The following MLIP variants were observed in gnomAD, a reference collection of about 807,000 sequenced individuals.
MLIP encodes the protein muscular LMNA-interacting protein.
A neutral mutation model predicts 84.8 loss-of-function variants in MLIP; 79 were observed. The observed-to-expected ratio is 0.93, with a 90% CI of 0.78 to 1.12. The LOEUF (loss-of-function observed/expected upper bound fraction) is 1.12, where lower values mean the gene tolerates loss of function less well. MLIP is among the 50% of genes most tolerant of loss of function. The pLI, the probability that MLIP is intolerant of heterozygous loss-of-function variation, is 0.00. For synonymous variants in MLIP, 504 were observed against 463.0 expected, an observed-to-expected ratio of 1.09 and a Z score of -1.14; for missense variants, 1,257 against 1,160.6, an observed-to-expected ratio of 1.08 and a Z score of -1.21.
Position 54,230,723 on chromosome 6 carries a change from G to C in MLIP, c.2728G>C (p.Val910Leu). The change falls in exon 12 of 14, where the codon GTC becomes CTC. Residue 910 changes from valine to leucine, a missense_variant. Val to Leu is a conservative substitution (Grantham distance 32, BLOSUM62 1). Coordinates refer to ENST00000502396, the MANE Select transcript of MLIP (RefSeq NM_001281747.2). ...SDLFSEQDVT[V>L]PPKPVSLHPL... Reference sequence around the variant, plus strand: ...TCTTCTTCCCCACCAGGATGTAACAGTCCCTCCCAAGCCTGTCTCGCTCCA... The same window carrying C: ...TCTTCTTCCCCACCAGGATGTAACACTCCCTCCCAAGCCTGTCTCGCTCCA... 6.2e-7 allele frequency: 1 copy of C among 1,613,870 alleles called. No individual in the cohort carries two copies. Among genetic ancestry groups the C allele is most frequent in the Non-Finnish European group, 8.5e-7 (1 of 1,179,932 alleles).
At chr6:54,159,167 C>A (rs549693539) in intron 5 of MLIP, among the ~76,000 whole-genome samples, 1 of 152,042 alleles carries the variant, frequency 6.6e-6, no homozygotes, top group East Asian at 1.9e-4. Context: ...TCTGCCTCAG[C>A]CTCCCAAAGT....
intron 13 of MLIP, among the ~76,000 whole-genome samples, chr6:54,259,492 T>C (rs1380345935): frequency 2.0e-5 from 3 of 151,874 alleles, no homozygotes; most frequent in Non-Finnish European, 4.4e-5. Context: ...GTTCAGATAA[T>C]AAATTGAGAA....
At chr6:54,093,665 T>A (rs1768015228) in intron 1 of MLIP, among the ~76,000 whole-genome samples, 1 of 152,166 alleles carries the variant, frequency 6.6e-6, no homozygotes, top group Admixed American at 6.6e-5. Context: ...CACTTTCGGA[T>A]TGCTCTATTG....
Position 54,220,922 on chromosome 6 carries a change from T to C in MLIP, c.2719-9792T>C, listed in dbSNP as rs112669259. 2.9e-3 allele frequency among the ~76,000 whole-genome samples: 433 copies of C among 150,604 alleles called. 2 individuals carry two copies. Among genetic ancestry groups the C allele is most frequent in the African/African-American group, 9.5e-3 (390 of 41,194 alleles). ...GTAACCTATAACGACAAAGGAGATA[T>C]ACACACACACACACACACGTAGAGG... On this transcript the variant is annotated intron_variant, in intron 11 of 13. Coordinates refer to ENST00000502396, the MANE Select transcript of MLIP (RefSeq NM_001281747.2).
chr6:54,232,346 A>G (rs530883521), intron 12 of MLIP, among the ~76,000 whole-genome samples: 4 of 152,266 alleles, frequency 2.6e-5, no homozygotes, highest in South Asian at 2.1e-4. Flanking sequence ...TTCAGCAAGG[A>G]TAGACTATAT....
chr6:54,194,891 G>A (rs1778188808), intron 10 of MLIP, among the ~76,000 whole-genome samples: 1 of 151,764 alleles, frequency 6.6e-6, no homozygotes, highest in African/African-American at 2.4e-5. Flanking sequence ...CTATGCCATA[G>A]TGTTTTGAGA....
chr6:54,076,992 C>G (rs1766843795), intron 1 of MLIP, among the ~76,000 whole-genome samples: 1 of 152,126 alleles, frequency 6.6e-6, no homozygotes, highest in African/African-American at 2.4e-5. Flanking sequence ...GAGCAAAGGA[C>G]TAGGGTGAAT....
At chr6:54,041,625 G>A (rs1481178434) in intron 1 of MLIP, among the ~76,000 whole-genome samples, 1 of 152,038 alleles carries the variant, frequency 6.6e-6, no homozygotes, top group Non-Finnish European at 1.5e-5. Context: ...CATCCTAATA[G>A]GCACGTGCTG....
At chr6:54,038,395 C>A (rs192060955) in intron 1 of MLIP, among the ~76,000 whole-genome samples, 1 of 151,560 alleles carries the variant, frequency 6.6e-6, no homozygotes. Flanking sequence ...TTTACTCACT[C>A]GAGTAAATGA....
intron 9 of MLIP, among the ~76,000 whole-genome samples, chr6:54,188,805 A>C (rs999328740): frequency 1.1e-4 from 16 of 147,726 alleles, no homozygotes; most frequent in African/African-American, 4.0e-4. Flanking sequence ...AAGAAAAAGA[A>C]ATCTACACCA....
At chr6:54,221,549 T>C (rs1171824786) in intron 11 of MLIP, among the ~76,000 whole-genome samples, 1 of 74,994 alleles carries the variant, frequency 1.3e-5, no homozygotes. Flanking sequence ...GACCCCCTTA[T>C]AATGCTAAAA....
At chr6:54,030,238 C>A (rs1764050411) in intron 1 of MLIP, among the ~76,000 whole-genome samples, 1 of 152,024 alleles carries the variant, frequency 6.6e-6, no homozygotes, top group Non-Finnish European at 1.5e-5. Context: ...AAAGATCCTG[C>A]CTATTCTGAA....
At chr6:54,239,533 G>A (rs1781590674) in intron 12 of MLIP, among the ~76,000 whole-genome samples, 1 of 151,196 alleles carries the variant, frequency 6.6e-6, no homozygotes, top group African/African-American at 2.4e-5. Context: ...CACTTTGGGA[G>A]GCTGAGGTAT....
intron 11 of MLIP, among the ~76,000 whole-genome samples, chr6:54,227,915 G>A (rs1447362359): frequency 6.6e-6 from 1 of 152,134 alleles, no homozygotes; most frequent in Non-Finnish European, 1.5e-5. Context: ...CGGGCGCAGT[G>A]GCTCACGCCT....
In MLIP at chr6:54,105,355, A is replaced by G. The variant is rs562961984; in HGVS notation, c.64-16092A>G. On this transcript the variant is annotated intron_variant, in intron 1 of 12. Coordinates refer to the MLIP transcript ENST00000274897. ...TTCCAGTGGAACTAGGAAAGTTGACATTAGGTTGATTCCATTTTCTTCTGA... is the reference window on the plus strand; with the variant it reads ...TTCCAGTGGAACTAGGAAAGTTGACGTTAGGTTGATTCCATTTTCTTCTGA... 5.4e-4 allele frequency among the ~76,000 whole-genome samples: 83 copies of G among 152,330 alleles called. 1 individual carries two copies. The highest frequency in any genetic ancestry group is 2.4e-3 in the Admixed American group (37 of 15,288).
intron 10 of MLIP, among the ~76,000 whole-genome samples, chr6:54,192,071 T>TA (rs1236321202): frequency 6.6e-6 from 1 of 151,774 alleles, no homozygotes; most frequent in East Asian, 1.9e-4. Flanking sequence ...AAAAAAAACT[T>TA]ACTTTTTGCC....
chr6:54,136,404 A>G (rs1218753219), intron 3 of MLIP, among the ~76,000 whole-genome samples: 1 of 152,232 alleles, frequency 6.6e-6, no homozygotes, highest in Non-Finnish European at 1.5e-5. Flanking sequence ...CAAATCACAC[A>G]ATTCAAAATT....
chr6:54,129,197 T>C (rs1771177205), intron 3 of MLIP, among the ~76,000 whole-genome samples: 1 of 152,088 alleles, frequency 6.6e-6, no homozygotes, highest in Non-Finnish European at 1.5e-5. Context: ...GCATTAGACA[T>C]AGAAACCCTC....
chr6:54,141,627 T>C (rs1018065406), intron 4 of MLIP, among the ~76,000 whole-genome samples: 1 of 151,972 alleles, frequency 6.6e-6, no homozygotes, highest in Non-Finnish European at 1.5e-5. Flanking sequence ...TCAACATCTA[T>C]ATTGTCTGAG....
Sources: gnomAD v4.1 joint callset for allele counts (sites outside exome capture counted in the v4.1 genomes callset) on GRCh38, gnomAD v4.1.1 for gene constraint, MANE v1.5 for transcripts, NCBI Gene and HGNC (gene_info 2026-07-23, HGNC 2026-07-21) for gene names.